DPH6: variants seen among roughly 807,000 people sequenced by gnomAD.
DPH6 encodes the protein diphthamine biosynthesis 6, also known as diphthine--ammonia ligase.
DPH6 carries 33 observed loss-of-function variants against 38.2 expected under a neutral mutation model. The observed-to-expected ratio is 0.86, with a 90% CI of 0.65 to 1.15. The LOEUF (loss-of-function observed/expected upper bound fraction) is 1.15. Ranked by LOEUF, DPH6 falls within the 50% of genes most tolerant of loss-of-function variation. The probability of loss-of-function intolerance (pLI) is 0.00; values close to 1 mark genes in which losing one functional copy is unlikely to be tolerated. For missense variants in DPH6, 325 were observed against 320.0 expected (o/e 1.02, Z -0.12); for synonymous variants, 108 against 103.0 (o/e 1.05, Z -0.30).
chr15:35,535,096 G>A (rs763833566), intron 3 of DPH6, among the ~76,000 whole-genome samples: 38 of 152,132 alleles, frequency 2.5e-4, no homozygotes, highest in Non-Finnish European at 4.9e-4. Context: ...CAAGGGATGT[G>A]TCACTACTCA....
chr15:35,347,297 G>A (rs1459072229), intron 3 of DPH6, among the ~76,000 whole-genome samples: 3 of 151,974 alleles, frequency 2.0e-5, no homozygotes, highest in Non-Finnish European at 4.4e-5. Flanking sequence ...GTTTATTCAT[G>A]TTGTCATATA....
chr15:35,465,488 C>T (rs1367705217), intron 3 of DPH6, among the ~76,000 whole-genome samples: 3 of 152,086 alleles, frequency 2.0e-5, no homozygotes, highest in African/African-American at 7.2e-5. Context: ...TTTCCTTAAA[C>T]TTCAAATTTT....
chr15:35,198,170 A>G, the DPH6 span, among the ~76,000 whole-genome samples: 2 of 146,036 alleles, frequency 1.4e-5, no homozygotes, highest in Non-Finnish European at 3.1e-5. Context: ...TTTAATAAAA[A>G]CAAAACTTTT....
intron 3 of DPH6, among the ~76,000 whole-genome samples, chr15:35,297,936 C>T (rs973249128): frequency 6.6e-6 from 1 of 152,162 alleles, no homozygotes; most frequent in Admixed American, 6.5e-5. Context: ...CTTCCATCAC[C>T]AATCATCAGC....
At chr15:35,501,031 G>A (rs1320713972) in intron 3 of DPH6, among the ~76,000 whole-genome samples, 3 of 152,066 alleles carry the variant, frequency 2.0e-5, no homozygotes, top group East Asian at 1.9e-4. Context: ...GTGAGCCACC[G>A]TGCCCGGCCA....
At chr15:35,291,365 T>C (rs1405590172) in intron 3 of DPH6, among the ~76,000 whole-genome samples, 1 of 152,134 alleles carries the variant, frequency 6.6e-6, no homozygotes, top group African/African-American at 2.4e-5. Flanking sequence ...TTATTTTACC[T>C]TCTAAAATCT....
chr15:35,454,143 G>C (rs1204609569), intron 4 of DPH6, among the ~76,000 whole-genome samples: 1 of 152,044 alleles, frequency 6.6e-6, no homozygotes, highest in East Asian at 1.9e-4. Context: ...TTTTTGAATA[G>C]ATCAATAGAA....
intron 3 of DPH6, among the ~76,000 whole-genome samples, chr15:35,482,015 A>G (rs1013241959): frequency 2.6e-5 from 4 of 152,218 alleles, no homozygotes; most frequent in Non-Finnish European, 5.9e-5. Flanking sequence ...AAAATGACTG[A>G]GCTTTGAGAG....
intron 3 of DPH6, among the ~76,000 whole-genome samples, chr15:35,356,977 C>A (rs1165801123): frequency 6.6e-6 from 1 of 152,200 alleles, no homozygotes; most frequent in East Asian, 1.9e-4. Flanking sequence ...CAAGCCTCGG[C>A]AGTGGCGGGT....
chr15:35,391,937 G>T (rs1375585647), intron 6 of DPH6, among the ~76,000 whole-genome samples: 1 of 152,184 alleles, frequency 6.6e-6, no homozygotes, highest in Non-Finnish European at 1.5e-5. Context: ...CGTCGCTGAT[G>T]CTGGGAGCTG....
At chr15:35,173,240 T>A in the DPH6 span, among the ~76,000 whole-genome samples, 4 of 152,204 alleles carry the variant, frequency 2.6e-5, no homozygotes, top group Non-Finnish European at 5.9e-5. Context: ...CCTTGGGAAA[T>A]GTCAACTATC....
chr15:35,420,778 G>A (rs1341859377), intron 5 of DPH6, among the ~76,000 whole-genome samples: 1 of 152,090 alleles, frequency 6.6e-6, no homozygotes, highest in African/African-American at 2.4e-5. Context: ...GCCTCCCAAA[G>A]TGCTGGGATT....
At position 35,437,015 on chromosome 15, in the gene DPH6, C is replaced by T. The variant is rs549794197; in HGVS notation, c.505+13670G>A. On this transcript the variant is annotated intron_variant, in intron 5 of 8. Transcript: ENST00000256538. ...CTAACAGCAGGGGAGACAGGGTGTA[C>T]GTGGGTAACAGCAGATAATCCCACT... Among the ~76,000 whole-genome samples the T allele has an allele frequency of 9.9e-5, 15 of 151,364 alleles. No homozygotes were observed. The South Asian group carries it at 1.9e-3, about 19-fold the overall frequency.
chr15:35,506,412 A>T (rs1208310986), intron 3 of DPH6, among the ~76,000 whole-genome samples: 1 of 152,158 alleles, frequency 6.6e-6, no homozygotes, highest in African/African-American at 2.4e-5. Flanking sequence ...TTGTAATTTA[A>T]GTCAACTGTA....
chr15:35,220,158 C>T (rs2051433513), exon 4 of DPH6: 1 of 152,138 alleles, frequency 6.6e-6, no homozygotes, highest in Non-Finnish European at 1.5e-5. Context: ...ATATCTCTGT[C>T]TACTATAATT....
intron 6 of DPH6, among the ~76,000 whole-genome samples, chr15:35,390,644 G>A (rs1006067110): frequency 2.6e-5 from 4 of 152,134 alleles, no homozygotes; most frequent in Admixed American, 6.5e-5. Flanking sequence ...CGGTTACTGA[G>A]GCTTGTGCAT....
chr15:35,268,172 AAAATAAATAAATAAATAAAT>A lies in DPH6; in HGVS notation n.201-47610_201-47591del, dbSNP rs200566883. Among the ~76,000 whole-genome samples, 35 of 140,524 alleles carry A rather than the reference AAAATAAATAAATAAATAAAT, an allele frequency of 2.5e-4. 1 individual carries two copies. The highest frequency in any genetic ancestry group is 1.4e-3 in the East Asian group (7 of 4,846). The allele number at this position is 140,524 out of a possible 152,430, so 92.2% of individuals were successfully genotyped here. A position where few individuals can be genotyped will look rare whatever the true frequency, so the allele number is the denominator to read the frequency against. Reference sequence around the variant, plus strand: ...GCGACAGAGCGAGACTCTGTCTCAAAAAATAAATAAATAAATAAATAAATAAATAAATAAATAAATAAATA... The same window carrying A: ...GCGACAGAGCGAGACTCTGTCTCAAAAAATAAATAAATAAATAAATAAATA... On this transcript the variant is annotated intron_variant and non_coding_transcript_variant, in intron 3 of 3. Transcript: ENST00000560386.
chr15:35,287,609 A>T (rs1269440611), intron 3 of DPH6, among the ~76,000 whole-genome samples: 2 of 152,176 alleles, frequency 1.3e-5, no homozygotes, highest in African/African-American at 4.8e-5. Context: ...TAACCATCTG[A>T]GAAAATGAAT....
intron 3 of DPH6, among the ~76,000 whole-genome samples, chr15:35,296,135 T>C (rs2052013181): frequency 6.6e-6 from 1 of 152,072 alleles, no homozygotes; most frequent in South Asian, 2.1e-4. Context: ...GAGATGGGGT[T>C]TCACCGTGTT....
Sources: allele counts gnomAD v4.1 joint callset (sites outside exome capture counted in the v4.1 genomes callset), GRCh38; gene constraint gnomAD v4.1.1; transcripts MANE v1.5; gene names NCBI Gene and HGNC (gene_info 2026-07-23, HGNC 2026-07-21).